The following LARS2 variants were observed in gnomAD, a reference collection of about 807,000 sequenced individuals.
The protein encoded by LARS2 is leucyl-tRNA synthetase 2, mitochondrial.
In LARS2, 81 loss-of-function variants were observed where a neutral mutation model predicts 116.6. The observed-to-expected ratio is 0.69, with a 90% confidence interval of 0.58 to 0.84. The LOEUF (loss-of-function observed/expected upper bound fraction) is 0.84, where lower values mean the gene tolerates loss of function less well. Among genes scored for constraint, LARS2 ranks in the 40% least tolerant of loss-of-function variants. LARS2 has a pLI of 0.00. For synonymous variants in LARS2, 396 were observed against 407.2 expected (o/e 0.97, Z 0.33); for missense variants, 968 against 1,114.5 (o/e 0.87, Z 1.87).
chr3:45,431,981 C>T (rs956109802), intron 6 of LARS2, among the ~76,000 whole-genome samples: 42 of 152,062 alleles, frequency 2.8e-4, no homozygotes, highest in Admixed American at 2.4e-3. Flanking sequence ...AAAGATATTT[C>T]ATGCAAATAG....
intron 20 of LARS2, among the ~76,000 whole-genome samples, chr3:45,534,718 A>G (rs1247384387): frequency 6.6e-6 from 1 of 152,232 alleles, no homozygotes; most frequent in African/African-American, 2.4e-5. Context: ...TGCCCTGGAT[A>G]AAAAGCAAAC....
intron 6 of LARS2, among the ~76,000 whole-genome samples, chr3:45,436,799 CAAAA>C (rs61468802): frequency 8.2e-6 from 1 of 121,516 alleles, no homozygotes; most frequent in Non-Finnish European, 1.6e-5. Context: ...AGACTCGTCT[CAAAA>C]AAAAAAAAAA....
chr3:45,520,216 T>C lies in LARS2; in HGVS notation c.2215-3T>C, dbSNP rs1700431139. 1.2e-6 allele frequency: 2 copies of C among 1,604,252 alleles called. No individual in the cohort carries two copies. Among genetic ancestry groups the C allele is most frequent in the African/African-American group, 1.3e-5 (1 of 74,714 alleles). On this transcript the variant is annotated splice_region_variant and splice_polypyrimidine_tract_variant and intron_variant, in intron 18 of 21. Coordinates refer to ENST00000645846, the MANE Select transcript of LARS2 (RefSeq NM_015340.4). ...AAGTAAATAATTGAACCTTTACTAA[T>C]AGGTGACCACCCATTTCACAGAGGA...
At chr3:45,522,860 T>C (rs1700474700) in intron 19 of LARS2, among the ~76,000 whole-genome samples, 3 of 151,954 alleles carry the variant, frequency 2.0e-5, no homozygotes, top group Admixed American at 2.0e-4. Context: ...GAGACCAGCC[T>C]GAGCAATATA....
intron 2 of LARS2, among the ~76,000 whole-genome samples, chr3:45,392,970 T>C (rs1697980898): frequency 2.6e-5 from 4 of 152,236 alleles, no homozygotes; most frequent in Admixed American, 2.6e-4. Flanking sequence ...GGAGAAAGTT[T>C]AGGCTATTTA....
At chr3:45,535,430 C>T (rs893924796) in intron 20 of LARS2, among the ~76,000 whole-genome samples, 2 of 151,968 alleles carry the variant, frequency 1.3e-5, no homozygotes, top group Non-Finnish European at 2.9e-5. Flanking sequence ...TGGTGGTGCT[C>T]GTGTTGGAGA....
At chr3:45,544,617 A>T (rs1211892739) in intron 21 of LARS2, among the ~76,000 whole-genome samples, 1 of 152,222 alleles carries the variant, frequency 6.6e-6, no homozygotes, top group Non-Finnish European at 1.5e-5. Context: ...ACAGACAGGC[A>T]GATGTGTGAC....
At chr3:45,391,492 A>C (rs1192744455) in intron 1 of LARS2, 91 bp from the exon 2 acceptor site, 2 of 151,792 alleles carry the variant, frequency 1.3e-5, no homozygotes, top group African/African-American at 4.8e-5. Flanking sequence ...TCAAAAAAAA[A>C]AAAAACAAAA....
chr3:45,522,174 G>T lies in LARS2; in HGVS notation c.2293-1823G>T, dbSNP rs558986034. ...AAGATGGCAGAATAGACTTTTACAC[G>T]CCAGTGATAGGTGTGGTTGGTGTAA... is the stretch of plus-strand genomic sequence containing the variant. On this transcript the variant is annotated intron_variant, in intron 19 of 21. Transcript: ENST00000645846. Among the ~76,000 whole-genome samples, 5 of 152,276 alleles carry T rather than the reference G, an allele frequency of 3.3e-5. No individual in the cohort carries two copies. The South Asian group carries it at 1.0e-3, about 32-fold the overall frequency.
chr3:45,518,050 A>T lies in LARS2; in HGVS notation c.2192A>T (p.Tyr731Phe). The T allele has an allele frequency of 1.9e-6, 3 of 1,613,168 alleles. No individual in the cohort carries two copies. The highest frequency in any genetic ancestry group is 2.5e-6 in the Non-Finnish European group (3 of 1,179,382). ...GCTGAGGCCAGGAAGCTCTGGGAGT[A>T]CAAGAACTCCGTCATCTCTCAGGTC... ...EKAEARKLWEYKNSVISQVTT... is the reference protein window; with the variant it reads ...EKAEARKLWEFKNSVISQVTT... Residue 731 changes from tyrosine to phenylalanine, a missense_variant, in exon 18 of 22, where the codon TAC becomes TTC. Physicochemically the swap from Tyr to Phe is conservative, Grantham distance 22. Coordinates refer to ENST00000645846, the MANE Select transcript of LARS2 (RefSeq NM_015340.4).
intron 4 of LARS2, among the ~76,000 whole-genome samples, chr3:45,413,140 AC>A (rs1698360508): frequency 6.6e-6 from 1 of 152,190 alleles, no homozygotes; most frequent in Non-Finnish European, 1.5e-5. Flanking sequence ...CCTAGCACCA[AC>A]CTTCTGCAGA....
intron 6 of LARS2, 31 bp downstream of exon 6, chr3:45,419,760 C>T: frequency 6.4e-7 from 1 of 1,569,438 alleles, no homozygotes; most frequent in South Asian, 1.1e-5. Context: ...GAAAGGTCGT[C>T]ATTTTAAGGA....
rs369362519 is a variant in LARS2 at position 45,520,343 on chromosome 3, G to C, written c.2292+47G>C. 4.1e-3 allele frequency: 6,061 copies of C among 1,477,510 alleles called. 233 individuals carry two copies. The South Asian group carries it at 0.063, about 15-fold the overall frequency. 91.5% of individuals were successfully genotyped at this position (1,477,510 alleles called of 1,614,324 possible). A position where few individuals can be genotyped will look rare whatever the true frequency, so the allele number is the denominator to read the frequency against. ...GCTGGTAGCAGAGGAGGGAGGGAGA[G>C]GTGTGGCAAGGGGCCCCACAGGGTC... On this transcript the variant is annotated intron_variant, in intron 19 of 21. Transcript: ENST00000645846.
chr3:45,520,251 G>A lies in LARS2; in HGVS notation c.2247G>A (p.Leu749=). ...CCCATTTCACAGAGGACTTCTCACT[G>A]AATTCTGCAATTTCTCAGCTGATGG... ...VTTHFTEDFS[L]NSAISQLMGL... is the part of the protein sequence containing the mutation. The change falls in exon 19 of 22, where the codon CTG becomes CTA. Residue 749 remains leucine (L), a synonymous_variant. Coordinates refer to ENST00000645846, the MANE Select transcript of LARS2 (RefSeq NM_015340.4). The A allele has an allele frequency of 6.2e-7, 1 of 1,613,476 alleles. No homozygotes were observed. The highest frequency in any genetic ancestry group is 8.5e-7 in the Non-Finnish European group (1 of 1,179,590).
intron 6 of LARS2, among the ~76,000 whole-genome samples, chr3:45,428,364 C>T (rs541961647): frequency 2.0e-5 from 3 of 151,576 alleles, no homozygotes; most frequent in South Asian, 2.1e-4. Flanking sequence ...CTGCCTCAGC[C>T]GCCCGAGTAG....
chr3:45,488,859 T>G (rs779992317), intron 12 of LARS2, 47 bp downstream of exon 12: 1 of 1,188,794 alleles, frequency 8.4e-7, no homozygotes, highest in Admixed American at 1.7e-5. Flanking sequence ...TTGATACGAC[T>G]TTGATAGACA....
chr3:45,484,240 A>T lies in LARS2; in HGVS notation c.1019-1452A>T, dbSNP rs527757099. On this transcript the variant is annotated intron_variant, in intron 10 of 21. Transcript: ENST00000645846. Reference sequence around the variant, plus strand: ...GTTTGCAAAGTAGATAATTACATGAAATCTTAAAACATGGCAAGTATTATA... The same window carrying T: ...GTTTGCAAAGTAGATAATTACATGATATCTTAAAACATGGCAAGTATTATA... 3.3e-5 allele frequency among the ~76,000 whole-genome samples: 5 copies of T among 152,160 alleles called. No homozygotes were observed. In the South Asian group the frequency reaches 1.0e-3, roughly 32 times the overall value.
At chr3:45,490,230 G>A (rs1012973263) in intron 12 of LARS2, among the ~76,000 whole-genome samples, 3 of 152,136 alleles carry the variant, frequency 2.0e-5, no homozygotes, top group Non-Finnish European at 4.4e-5. Flanking sequence ...GTGTCTGTAA[G>A]GAGCCCCAGT....
intron 6 of LARS2, among the ~76,000 whole-genome samples, chr3:45,426,310 A>AT (rs1698593961): frequency 6.6e-6 from 1 of 152,234 alleles, no homozygotes; most frequent in South Asian, 2.1e-4. Flanking sequence ...AGTGGGGAAG[A>AT]TTCCCTTTGC....
Sources: gnomAD v4.1 joint callset for allele counts (sites outside exome capture counted in the v4.1 genomes callset) on GRCh38, gnomAD v4.1.1 for gene constraint, MANE v1.5 for transcripts, NCBI Gene and HGNC (gene_info 2026-07-23, HGNC 2026-07-21) for gene names.